ANO3: variants seen among roughly 807,000 people sequenced by gnomAD.
ANO3 encodes anoctamin 3.
Under a neutral mutation model 144.8 loss-of-function variants are expected in ANO3, and 99 were observed. That is an observed-to-expected ratio of 0.68 (90% CI 0.58 to 0.81). The LOEUF is 0.81. Ranked by LOEUF, ANO3 falls within the 30% of genes least tolerant of loss-of-function variation. The pLI is 0.00. For synonymous variants in ANO3, 414 were observed against 392.6 expected, an observed-to-expected ratio of 1.05 and a Z score of -0.64; for missense variants, 905 against 1,202.2, an observed-to-expected ratio of 0.75 and a Z score of 3.66.
chr11:26,519,193 G>A (rs1346546887), intron 6 of ANO3, among the ~76,000 whole-genome samples: 1 of 152,156 alleles, frequency 6.6e-6, no homozygotes, highest in Non-Finnish European at 1.5e-5. Flanking sequence ...ACTATCATAA[G>A]CATGTCATTT....
chr11:26,283,843 G>A (rs1176040460), intron 1 of ANO3, among the ~76,000 whole-genome samples: 1 of 152,080 alleles, frequency 6.6e-6, no homozygotes, highest in Non-Finnish European at 1.5e-5. Context: ...GGAACCAATG[G>A]GATGCTATGA....
chr11:26,631,437 A>T (rs556066887), intron 18 of ANO3, among the ~76,000 whole-genome samples: 1 of 152,298 alleles, frequency 6.6e-6, no homozygotes, highest in Non-Finnish European at 1.5e-5. Flanking sequence ...TAACAAATAG[A>T]GAAGAAAAGA....
chr11:26,315,704 T>A (rs1179973500), intron 1 of ANO3, among the ~76,000 whole-genome samples: 1 of 150,524 alleles, frequency 6.6e-6, no homozygotes. Context: ...TATCTATCTA[T>A]CTATCTACCT....
chr11:26,549,751 A>G (rs1849882484), intron 12 of ANO3, among the ~76,000 whole-genome samples: 1 of 151,920 alleles, frequency 6.6e-6, no homozygotes. Flanking sequence ...TTGAAAATGA[A>G]CAGGCAGACA....
At chr11:26,576,017 A>G (rs1850976587) in intron 14 of ANO3, among the ~76,000 whole-genome samples, 1 of 152,234 alleles carries the variant, frequency 6.6e-6, no homozygotes, top group Admixed American at 6.5e-5. Flanking sequence ...ACATGTTAGC[A>G]GAAAGACTTT....
At position 26,320,556 on chromosome 11, in the gene ANO3, T is replaced by C. The variant is rs144640268; in HGVS notation, c.-3+10837T>C. 3.5e-3 allele frequency among the ~76,000 whole-genome samples: 538 copies of C among 152,352 alleles called. 4 individuals are homozygous for C. Among genetic ancestry groups the C allele is most frequent in the African/African-American group, 0.013 (524 of 41,592 alleles). ...ACTATACTCTATTTAAAAATTTAGA[T>C]GTATATATTGTTTCCTATTGTATTT... is the stretch of plus-strand genomic sequence containing the variant. On this transcript the variant is annotated intron_variant, in intron 1 of 26. Coordinates refer to the ANO3 transcript ENST00000525139.
At chr11:26,543,002 G>T (rs1379830800) in intron 11 of ANO3, among the ~76,000 whole-genome samples, 2 of 152,062 alleles carry the variant, frequency 1.3e-5, no homozygotes, top group South Asian at 4.1e-4. Context: ...TTTAATAAAA[G>T]AACTATATAC....
At chr11:26,518,579 A>G (rs1463429955) in intron 6 of ANO3, among the ~76,000 whole-genome samples, 1 of 152,002 alleles carries the variant, frequency 6.6e-6, no homozygotes, top group East Asian at 1.9e-4. Flanking sequence ...CTATCTTATG[A>G]TTATAGTTGA....
intron 1 of ANO3, among the ~76,000 whole-genome samples, chr11:26,247,031 A>C (rs1020017852): frequency 6.6e-6 from 1 of 152,218 alleles, no homozygotes; most frequent in African/African-American, 2.4e-5. Flanking sequence ...CTTTTGTGAT[A>C]TATTGAAAGT....
upstream of ANO3, among the ~76,000 whole-genome samples, chr11:26,306,701 T>A (rs1459210605): frequency 6.6e-6 from 1 of 152,168 alleles, no homozygotes; most frequent in African/African-American, 2.4e-5. Context: ...AAACCGGAAT[T>A]GCCCCCAAAA....
rs534235980 is a variant in ANO3 at position 26,368,577 on chromosome 11, G to C, written c.46+36256G>C. On this transcript the variant is annotated intron_variant, in intron 1 of 26. Transcript: ENST00000256737. Reference sequence around the variant, plus strand: ...GATGGAAAGAGAAAAAAGAAAGGGTGGGGGAGAAGAAGGGATAGAGAGAGA... The same window carrying C: ...GATGGAAAGAGAAAAAAGAAAGGGTCGGGGAGAAGAAGGGATAGAGAGAGA... Among the ~76,000 whole-genome samples the C allele has an allele frequency of 2.6e-5, 4 of 152,142 alleles. No individual in the cohort carries two copies. In the South Asian group the frequency reaches 6.2e-4, roughly 24 times the overall value.
rs368482885 is a variant in ANO3 at position 26,652,504 on chromosome 11, C to T, written c.2577-3621C>T. 2.4e-4 allele frequency among the ~76,000 whole-genome samples: 37 copies of T among 152,220 alleles called. 1 individual carries two copies. In the East Asian group the frequency reaches 7.2e-3, roughly 30 times the overall value. On this transcript the variant is annotated intron_variant, in intron 24 of 26. Transcript: ENST00000256737. ...TCCCATACTGAAGGCAAAATTCCTC[C>T]ACTTGTGCCCTGGATCTCTTCTTCT... is the stretch of plus-strand genomic sequence containing the variant.
At chr11:26,489,496 G>A (rs530106774) in intron 4 of ANO3, among the ~76,000 whole-genome samples, 12 of 152,176 alleles carry the variant, frequency 7.9e-5, no homozygotes, top group Admixed American at 1.3e-4. Flanking sequence ...GTGAAGCTGC[G>A]AGAAGAGGGC....
At chr11:26,647,186 G>C (rs1185527289) in intron 23 of ANO3, among the ~76,000 whole-genome samples, 1 of 152,040 alleles carries the variant, frequency 6.6e-6, no homozygotes, top group African/African-American at 2.4e-5. Context: ...GTATTTTCAT[G>C]ATGCCAGATT....
At chr11:26,558,405 A>G (rs1850152834) in intron 13 of ANO3, among the ~76,000 whole-genome samples, 1 of 151,874 alleles carries the variant, frequency 6.6e-6, no homozygotes, top group African/African-American at 2.4e-5. Flanking sequence ...CAGCAGCCTC[A>G]GGTGTCTCTG....
intron 17 of ANO3, among the ~76,000 whole-genome samples, chr11:26,623,161 G>C (rs1047872282): frequency 6.6e-5 from 10 of 152,224 alleles, no homozygotes; most frequent in African/African-American, 2.2e-4. Flanking sequence ...ACTGTACTCA[G>C]TGTAATCTTT....
intron 1 of ANO3, among the ~76,000 whole-genome samples, chr11:26,359,927 G>A (rs1250777705): frequency 6.6e-6 from 1 of 150,494 alleles, no homozygotes; most frequent in Non-Finnish European, 1.5e-5. Flanking sequence ...ATAAATGTAT[G>A]CATATATTGG....
At chr11:26,442,648 CTCT>C (rs1191864408) in intron 2 of ANO3, among the ~76,000 whole-genome samples, 9 of 152,290 alleles carry the variant, frequency 5.9e-5, no homozygotes, top group Middle Eastern at 3.4e-3. Flanking sequence ...CCCTTAGGCA[CTCT>C]TCTACACACA....
At chr11:26,308,455 T>C (rs1357063702), upstream of ANO3, among the ~76,000 whole-genome samples, 1 of 152,254 alleles carries the variant, frequency 6.6e-6, no homozygotes, top group East Asian at 1.9e-4. Flanking sequence ...CACATCATTA[T>C]TCATTTATCT....
Sources: gnomAD v4.1 joint callset for allele counts (sites outside exome capture counted in the v4.1 genomes callset) on GRCh38, gnomAD v4.1.1 for gene constraint, MANE v1.5 for transcripts, NCBI Gene and HGNC (gene_info 2026-07-23, HGNC 2026-07-21) for gene names.